Variants in DPP6 observed in about 807,000 individuals in gnomAD.
DPP6 encodes dipeptidyl peptidase like 6.
Under a neutral mutation model 122.6 loss-of-function variants are expected in DPP6, and 69 were observed. The ratio of observed to expected loss-of-function variants is 0.56; its 90% CI spans 0.46 to 0.69. The LOEUF is 0.69. Among genes scored for constraint, DPP6 ranks in the 30% least tolerant of loss-of-function variants. The probability of loss-of-function intolerance (pLI) is 0.00; values close to 1 mark genes in which losing one functional copy is unlikely to be tolerated. For synonymous variants in DPP6, 418 were observed against 433.1 expected, an observed-to-expected ratio of 0.97 and a Z score of 0.43; for missense variants, 928 against 1,116.9, an observed-to-expected ratio of 0.83 and a Z score of 2.41.
intron 1 of DPP6, among the ~76,000 whole-genome samples, chr7:154,160,815 C>T (rs1359676611): frequency 2.0e-5 from 3 of 152,264 alleles, no homozygotes; most frequent in East Asian, 1.9e-4. Context: ...GTCACCTTGG[C>T]GATGAAATGA....
intron 1 of DPP6, among the ~76,000 whole-genome samples, chr7:154,343,637 A>G (rs1249031958): frequency 6.6e-6 from 1 of 152,140 alleles, no homozygotes; most frequent in African/African-American, 2.4e-5. Context: ...CTGGAGTGCA[A>G]TGGTGCGATC....
intron 1 of DPP6, among the ~76,000 whole-genome samples, chr7:154,377,949 G>T (rs2151135196): frequency 6.6e-6 from 1 of 152,346 alleles, no homozygotes; most frequent in East Asian, 1.9e-4. Flanking sequence ...ACTGTCAGTT[G>T]TTATGCAAAG....
At chr7:154,092,412 C>G (rs2150552085) in intron 1 of DPP6, 1 of 151,824 alleles carries the variant, frequency 6.6e-6, no homozygotes, top group East Asian at 2.0e-4. Flanking sequence ...CCACCCAGGC[C>G]TCCAGTGTGT....
rs78826702 is a variant in DPP6 at position 154,105,166 on chromosome 7, G to C, written c.243+52103G>C. Among the ~76,000 whole-genome samples the C allele has an allele frequency of 7.5e-3, 1,145 of 152,288 alleles. 24 individuals carry two copies. Among genetic ancestry groups the C allele is most frequent in the African/African-American group, 0.027 (1,103 of 41,566 alleles). On this transcript the variant is annotated intron_variant, in intron 1 of 25. Transcript: ENST00000377770. Reference sequence around the variant, plus strand: ...AAAAACATAAGATCGAATTTGACTCGACCGTTTGTCCCTCTGACACGTAAT... The same window carrying C: ...AAAAACATAAGATCGAATTTGACTCCACCGTTTGTCCCTCTGACACGTAAT...
At chr7:154,412,874 G>A (rs890793674) in intron 1 of DPP6, among the ~76,000 whole-genome samples, 3 of 152,176 alleles carry the variant, frequency 2.0e-5, no homozygotes, top group African/African-American at 7.2e-5. Context: ...TGTTCTGGGC[G>A]TGCTTTTTGC....
chr7:153,777,280 C>A, the DPP6 span, among the ~76,000 whole-genome samples: 2 of 152,072 alleles, frequency 1.3e-5, no homozygotes, highest in Non-Finnish European at 2.9e-5. Flanking sequence ...AACTGGATTT[C>A]TTTACTTGTG....
chr7:153,936,655 A>T (rs1373388638), intron 1 of DPP6, among the ~76,000 whole-genome samples: 3 of 151,880 alleles, frequency 2.0e-5, no homozygotes, highest in African/African-American at 7.3e-5. Flanking sequence ...AAATACAAAA[A>T]AAAAAATTAG....
Position 154,279,623 on chromosome 7 carries a change from A to G in DPP6, c.244-166591A>G, listed in dbSNP as rs73167307. On this transcript the variant is annotated intron_variant, in intron 1 of 25. Transcript: ENST00000377770. ...TGATGATCATTACGTTCACGTTGCA[A>G]AGTCTCATTAGTTTGATTTTTGAAC... Among the ~76,000 whole-genome samples the G allele has an allele frequency of 8.9e-3, 1,361 of 152,306 alleles. 13 individuals are homozygous for G. The highest frequency in any genetic ancestry group is 0.034 in the Middle Eastern group (10 of 294).
chr7:153,926,576 CTG>C (rs1800910752), intron 1 of DPP6, among the ~76,000 whole-genome samples: 1 of 152,060 alleles, frequency 6.6e-6, no homozygotes, highest in Admixed American at 6.6e-5. Flanking sequence ...TGATAGGTGA[CTG>C]TTACTTGAAG....
At chr7:154,070,308 C>G (rs1009746159) in intron 1 of DPP6, among the ~76,000 whole-genome samples, 1 of 151,326 alleles carries the variant, frequency 6.6e-6, no homozygotes, top group Non-Finnish European at 1.5e-5. Context: ...AATCCTGGCT[C>G]GGTCACAAAT....
the DPP6 span, among the ~76,000 whole-genome samples, chr7:153,792,861 C>T: frequency 6.6e-6 from 1 of 152,174 alleles, no homozygotes; most frequent in Non-Finnish European, 1.5e-5. Flanking sequence ...ATGCTATTCT[C>T]ATGATAATGA....
At chr7:154,843,818 C>T (rs1801746116) in intron 16 of DPP6, among the ~76,000 whole-genome samples, 1 of 152,234 alleles carries the variant, frequency 6.6e-6, no homozygotes, top group Admixed American at 6.5e-5. Context: ...TTACAGGAGT[C>T]CCCGCATAGA....
intron 1 of DPP6, among the ~76,000 whole-genome samples, chr7:154,327,522 C>G (rs1161177891): frequency 1.3e-5 from 2 of 152,114 alleles, no homozygotes; most frequent in Non-Finnish European, 2.9e-5. Flanking sequence ...ATATCTATAT[C>G]AATCTCTAAT....
intron 1 of DPP6, among the ~76,000 whole-genome samples, chr7:154,084,770 A>G (rs1175766476): frequency 2.0e-5 from 3 of 147,894 alleles, no homozygotes; most frequent in African/African-American, 5.0e-5. Flanking sequence ...CGGGAGGATC[A>G]TGAGGTCAGG....
At chr7:153,891,476 A>T (rs973441429) in intron 1 of DPP6, among the ~76,000 whole-genome samples, 28 of 152,186 alleles carry the variant, frequency 1.8e-4, no homozygotes, top group African/African-American at 6.5e-4. Flanking sequence ...TTATTTTTTT[A>T]AAAATAGCTG....
At chr7:154,570,374 T>C (rs1455973830) in intron 5 of DPP6, among the ~76,000 whole-genome samples, 1 of 152,014 alleles carries the variant, frequency 6.6e-6, no homozygotes, top group Non-Finnish European at 1.5e-5. Flanking sequence ...TAATTTAATT[T>C]GTCCATTTTT....
At chr7:154,716,421 C>T (rs1034973041) in intron 7 of DPP6, among the ~76,000 whole-genome samples, 5 of 152,182 alleles carry the variant, frequency 3.3e-5, no homozygotes, top group Admixed American at 6.5e-5. Context: ...GATCTGTGAG[C>T]CTTTCCACAC....
At chr7:153,902,017 A>G (rs937151283) in intron 1 of DPP6, among the ~76,000 whole-genome samples, 6 of 152,256 alleles carry the variant, frequency 3.9e-5, no homozygotes, top group African/African-American at 1.2e-4. Flanking sequence ...TTGGGGAAAT[A>G]TAATTGAAAA....
intron 1 of DPP6, among the ~76,000 whole-genome samples, chr7:154,010,724 A>G (rs1345426190): frequency 1.3e-5 from 2 of 152,204 alleles, no homozygotes; most frequent in Non-Finnish European, 2.9e-5. Flanking sequence ...ACTTGGGGAA[A>G]TTTAGACTGA....
Sources: gnomAD v4.1 joint callset for allele counts (sites outside exome capture counted in the v4.1 genomes callset) on GRCh38, gnomAD v4.1.1 for gene constraint, MANE v1.5 for transcripts, NCBI Gene and HGNC (gene_info 2026-07-23, HGNC 2026-07-21) for gene names.